Variants in VPS45 observed in about 807,000 individuals in gnomAD.
VPS45 encodes the protein vacuolar protein sorting 45 homolog.
VPS45 carries 35 observed loss-of-function variants against 75.9 expected under a neutral mutation model. That is an observed-to-expected ratio of 0.46 (90% CI 0.35 to 0.61). VPS45 has a LOEUF of 0.61. Ranked by LOEUF, VPS45 falls within the 20% of genes least tolerant of loss-of-function variation. The probability of loss-of-function intolerance (pLI) is 0.00; values close to 1 mark genes in which losing one functional copy is unlikely to be tolerated. For synonymous variants in VPS45, 220 were observed against 238.2 expected, an observed-to-expected ratio of 0.92 and a Z score of 0.70; for missense variants, 559 against 685.9, an observed-to-expected ratio of 0.81 and a Z score of 2.07.
intron 10 of VPS45, among the ~76,000 whole-genome samples, chr1:150,090,297 G>C (rs1423476646): frequency 6.6e-6 from 1 of 152,146 alleles, no homozygotes; most frequent in Non-Finnish European, 1.5e-5. Context: ...TGTCACCTCT[G>C]TGAAGTCTTT....
chr1:150,106,314 A>G (rs1261320584), intron 13 of VPS45, among the ~76,000 whole-genome samples: 2 of 152,170 alleles, frequency 1.3e-5, no homozygotes, highest in African/African-American at 4.8e-5. Flanking sequence ...AACAGAATAA[A>G]CAGACAACCT....
intron 14 of VPS45, among the ~76,000 whole-genome samples, chr1:150,111,583 A>G (rs1242250033): frequency 6.6e-6 from 1 of 152,208 alleles, no homozygotes. Context: ...GAACCGTGAC[A>G]TGATTGTTGA....
rs373735080 is a variant in VPS45, at chr1:150,092,022, G to C, written c.1190G>C (p.Arg397Pro). The change falls in exon 11 of 15, where the codon CGA (arginine) becomes CCA (proline). Residue 397 changes from arginine to proline, a missense_variant. Coordinates refer to ENST00000644510, the MANE Select transcript of VPS45 (RefSeq NM_007259.5). ...ATGCTTTATGCTTTACATTATGAGC[G>C]ACACAGCAGCAATAGCCTGCCAGGA... Reference protein sequence around the residue: ...LVMLYALHYERHSSNSLPGLM... With the variant: ...LVMLYALHYEPHSSNSLPGLM... 1 of 1,613,946 alleles carries C rather than the reference G, an allele frequency of 6.2e-7. No homozygotes were observed. The highest frequency in any genetic ancestry group is 1.3e-5 in the African/African-American group (1 of 74,882).
intron 13 of VPS45, among the ~76,000 whole-genome samples, chr1:150,100,502 CA>C (rs1224428761): frequency 1.5e-4 from 23 of 152,056 alleles, no homozygotes; most frequent in Middle Eastern, 3.4e-3. Context: ...CATATGGAAC[CA>C]AAAAAACGCC....
chr1:150,144,885 G>A lies in VPS45; in HGVS notation c.*89G>A. ...ACAAAGGTGTTGGAGAGCAGCTTTG[G>A]GTTCTGTGCTGGTTGTTAGAACTCA... is the stretch of plus-strand genomic sequence containing the variant. On this transcript the variant is annotated 3_prime_UTR_variant, in exon 15 of 15. Coordinates refer to ENST00000644510, the MANE Select transcript of VPS45 (RefSeq NM_007259.5). The A allele has an allele frequency of 6.3e-7, 1 of 1,588,588 alleles. No homozygotes were observed. The highest frequency in any genetic ancestry group is 1.1e-5 in the South Asian group (1 of 88,332).
intron 13 of VPS45, among the ~76,000 whole-genome samples, chr1:150,097,129 C>T (rs1170206385): frequency 6.7e-6 from 1 of 149,800 alleles, no homozygotes; most frequent in Non-Finnish European, 1.5e-5. Context: ...GCTCTGTCAC[C>T]CAGGCTGGAG....
chr1:150,122,304 G>A (rs1658277562), intron 14 of VPS45, among the ~76,000 whole-genome samples: 1 of 152,116 alleles, frequency 6.6e-6, no homozygotes, highest in Non-Finnish European at 1.5e-5. Context: ...GTGGGCGACA[G>A]AAAGAAGAGT....
intron 14 of VPS45, among the ~76,000 whole-genome samples, chr1:150,115,602 G>T (rs1238359048): frequency 2.0e-5 from 3 of 152,102 alleles, no homozygotes; most frequent in Non-Finnish European, 4.4e-5. Flanking sequence ...TATAGCACCC[G>T]TGAGGAGCTG....
At chr1:150,129,069 T>C (rs1658675481) in intron 14 of VPS45, among the ~76,000 whole-genome samples, 2 of 152,224 alleles carry the variant, frequency 1.3e-5, no homozygotes, top group African/African-American at 4.8e-5. Flanking sequence ...ACCAAAGGAT[T>C]AGACATCATT....
At chr1:150,121,828 G>C (rs1658244792) in intron 14 of VPS45, among the ~76,000 whole-genome samples, 1 of 152,126 alleles carries the variant, frequency 6.6e-6, no homozygotes, top group Non-Finnish European at 1.5e-5. Context: ...CCCTTGTGAA[G>C]CTTCATTTTA....
chr1:150,071,244 AT>A (rs1384483135), intron 2 of VPS45, among the ~76,000 whole-genome samples: 6 of 152,164 alleles, frequency 3.9e-5, no homozygotes, highest in African/African-American at 1.4e-4. Context: ...TTATAATCTT[AT>A]GTAATTGGAA....
At chr1:150,074,956 T>TG (rs1655287866) in intron 3 of VPS45, among the ~76,000 whole-genome samples, 1 of 4,906 alleles carries the variant, frequency 2.0e-4, no homozygotes, top group African/African-American at 4.3e-4. Flanking sequence ...TTATTTATTC[T>TG]TTTTTTTTTT....
Position 150,097,579 on chromosome 1 carries a change from C to T in VPS45, c.1493+3931C>T, listed in dbSNP as rs1026223804. 1.1e-4 allele frequency among the ~76,000 whole-genome samples: 16 copies of T among 151,516 alleles called. No individual in the cohort carries two copies. In the East Asian group the frequency reaches 2.4e-3, roughly 23 times the overall value. The stretch of plus-strand genomic sequence containing the variant: ...ACTAAAAATGCAAAAATTAGCCAGG[C>T]GTGGTGGCATGCACCTGTAGTCCCA... On this transcript the variant is annotated intron_variant, in intron 13 of 14. Transcript: ENST00000644510.
rs587754763 is a variant in VPS45 at position 150,122,669 on chromosome 1, A to G, written c.1625+12042A>G. ...AAATTCAGTGGTTTTTAGTATATTC[A>G]CAGATATATTCAACTATTACCACAG... On this transcript the variant is annotated intron_variant, in intron 14 of 14. Coordinates refer to ENST00000644510, the MANE Select transcript of VPS45 (RefSeq NM_007259.5). Among the ~76,000 whole-genome samples the G allele has an allele frequency of 1.1e-4, 17 of 152,142 alleles. No individual in the cohort carries two copies. In the East Asian group the frequency reaches 3.3e-3, roughly 29 times the overall value.
chr1:150,101,511 G>A (rs587607228), intron 13 of VPS45, among the ~76,000 whole-genome samples: 8 of 151,958 alleles, frequency 5.3e-5, no homozygotes, highest in South Asian at 4.2e-4. Context: ...CGAGGTGGGC[G>A]GATCACAAGA....
intron 14 of VPS45, among the ~76,000 whole-genome samples, chr1:150,111,024 T>C (rs1429327478): frequency 6.6e-6 from 1 of 152,114 alleles, no homozygotes; most frequent in Admixed American, 6.5e-5. Flanking sequence ...AACATAATGG[T>C]ATTGAAGTCT....
In VPS45 at chr1:150,075,594, A is replaced by C. The variant is rs185654826; in HGVS notation, c.290-639A>C. ...TGATGATATTCTAATTCTGTCATTA[A>C]CATTTGTTAGTTATTGTTGAGCTGG... On this transcript the variant is annotated intron_variant, in intron 3 of 14. Coordinates refer to ENST00000644510, the MANE Select transcript of VPS45 (RefSeq NM_007259.5). Among the ~76,000 whole-genome samples, 1,066 of 152,308 alleles carry C rather than the reference A, an allele frequency of 7.0e-3. 8 individuals are homozygous for C. The highest frequency in any genetic ancestry group is 0.034 in the Middle Eastern group (10 of 294).
chr1:150,112,166 AT>A (rs1341107622), intron 14 of VPS45, among the ~76,000 whole-genome samples: 11 of 151,596 alleles, frequency 7.3e-5, no homozygotes, highest in South Asian at 2.1e-4. Context: ...TTTCTTAATA[AT>A]TTTTTTAATT....
chr1:150,094,064 A>G (rs936191274), intron 13 of VPS45, among the ~76,000 whole-genome samples: 1 of 152,344 alleles, frequency 6.6e-6, no homozygotes, highest in Non-Finnish European at 1.5e-5. Context: ...ACACAAACTG[A>G]GAGACCTAAT....
Sources: gnomAD v4.1 joint callset for allele counts (sites outside exome capture counted in the v4.1 genomes callset) on GRCh38, gnomAD v4.1.1 for gene constraint, MANE v1.5 for transcripts, NCBI Gene and HGNC (gene_info 2026-07-23, HGNC 2026-07-21) for gene names.